DOCK4: variants seen among roughly 807,000 people sequenced by gnomAD.
DOCK4 encodes the protein dedicator of cytokinesis protein 4.
DOCK4 carries 97 observed loss-of-function variants against 268.1 expected under a neutral mutation model. The ratio of observed to expected loss-of-function variants is 0.36; its 90% CI spans 0.31 to 0.43. The LOEUF is 0.43. Ranked by LOEUF, DOCK4 falls within the 20% of genes least tolerant of loss-of-function variation. The pLI is 1.00. For missense variants in DOCK4, 2,145 were observed against 2,455.7 expected (o/e 0.87, Z 2.67); for synonymous variants, 954 against 887.2 (o/e 1.08, Z -1.34).
intron 1 of DOCK4, among the ~76,000 whole-genome samples, chr7:112,076,493 A>T (rs1586772510): frequency 6.6e-6 from 1 of 152,212 alleles, no homozygotes; most frequent in East Asian, 1.9e-4. Flanking sequence ...TCATGATCAA[A>T]GACATCTGGC....
intron 1 of DOCK4, among the ~76,000 whole-genome samples, chr7:112,166,483 T>C (rs1817626033): frequency 6.6e-6 from 1 of 152,210 alleles, no homozygotes; most frequent in Admixed American, 6.5e-5. Flanking sequence ...TTCTAAGTAA[T>C]CACTTTGGAA....
chr7:111,731,985 C>T (rs1226067417), intron 52 of DOCK4, among the ~76,000 whole-genome samples: 5 of 152,200 alleles, frequency 3.3e-5, no homozygotes, highest in Admixed American at 2.6e-4. Flanking sequence ...TGCAAGTTCT[C>T]ACTGCTACCA....
At chr7:111,856,207 G>A (rs1317918406) in intron 23 of DOCK4, among the ~76,000 whole-genome samples, 3 of 152,160 alleles carry the variant, frequency 2.0e-5, no homozygotes, top group Non-Finnish European at 2.9e-5. Flanking sequence ...CCAGTAATGT[G>A]CTTGTTATAC....
chr7:111,737,864 A>G (rs1292316687), intron 49 of DOCK4, among the ~76,000 whole-genome samples: 2 of 152,206 alleles, frequency 1.3e-5, no homozygotes, highest in African/African-American at 4.8e-5. Context: ...ACAAAGGGAA[A>G]TAGCTAGTCC....
chr7:111,837,938 T>C (rs971187090), intron 25 of DOCK4, among the ~76,000 whole-genome samples: 1 of 151,728 alleles, frequency 6.6e-6, no homozygotes, highest in African/African-American at 2.4e-5. Context: ...AATACAAAAT[T>C]AGCCGGGTGT....
At chr7:112,058,567 C>A (rs1806060633) in intron 1 of DOCK4, among the ~76,000 whole-genome samples, 1 of 152,144 alleles carries the variant, frequency 6.6e-6, no homozygotes, top group Admixed American at 6.5e-5. Flanking sequence ...TTAACCCAAT[C>A]ATGAACACAT....
intron 2 of DOCK4, among the ~76,000 whole-genome samples, chr7:112,002,905 G>T (rs536170320): frequency 6.6e-6 from 1 of 151,984 alleles, no homozygotes; most frequent in Non-Finnish European, 1.5e-5. Context: ...CAAAAAATTA[G>T]CTGAGTGTGG....
chr7:111,794,128 G>T (rs539408607), intron 30 of DOCK4, among the ~76,000 whole-genome samples: 1 of 152,280 alleles, frequency 6.6e-6, no homozygotes, highest in South Asian at 2.1e-4. Flanking sequence ...ATATGACAAA[G>T]ATTGGTTCAA....
At chr7:112,144,148 C>T (rs1174147865) in intron 1 of DOCK4, among the ~76,000 whole-genome samples, 1 of 152,054 alleles carries the variant, frequency 6.6e-6, no homozygotes, top group African/African-American at 2.4e-5. Context: ...TGGAAGAATC[C>T]CTTCATTTCA....
At position 111,868,147 on chromosome 7, in the gene DOCK4, TCTTGTG is replaced by T; in HGVS notation, c.2111_2116del (p.Ala704_Gln705del). 6.3e-7 allele frequency: 1 copy of T among 1,576,098 alleles called. No homozygotes were observed. Among genetic ancestry groups the T allele is most frequent in the Non-Finnish European group, 8.6e-7 (1 of 1,164,094 alleles). On this transcript the variant is annotated inframe_deletion and splice_region_variant, in exon 22 of 53. Transcript: ENST00000428084. ...TTGAACTATATACTTAAAAATGTAT[TCTTGTG>T]CCTTAAAAATACAATTTTTAAAAGT...
At chr7:112,039,799 T>C (rs1274116040) in intron 1 of DOCK4, among the ~76,000 whole-genome samples, 5 of 152,200 alleles carry the variant, frequency 3.3e-5, no homozygotes, top group Non-Finnish European at 5.9e-5. Flanking sequence ...CCCATGTTAA[T>C]AACTGAGTTT....
At chr7:112,132,971 T>A (rs1813940942) in intron 1 of DOCK4, among the ~76,000 whole-genome samples, 1 of 152,172 alleles carries the variant, frequency 6.6e-6, no homozygotes, top group Admixed American at 6.5e-5. Context: ...AATGGATGAA[T>A]CCAGAGACTG....
intron 11 of DOCK4, among the ~76,000 whole-genome samples, chr7:111,936,012 T>C (rs1324434870): frequency 6.6e-6 from 1 of 152,218 alleles, no homozygotes; most frequent in Non-Finnish European, 1.5e-5. Flanking sequence ...TTTACTCTTG[T>C]CTTAATTTCC....
chr7:112,151,741 T>A (rs1816099059), intron 1 of DOCK4, among the ~76,000 whole-genome samples: 1 of 149,380 alleles, frequency 6.7e-6, no homozygotes. Flanking sequence ...ATGAGGAAAG[T>A]TCAGCAAGAA....
rs541342120 is a variant in DOCK4 at position 111,728,747 on chromosome 7, G to A, written c.5482-27C>T. 36 of 1,577,360 alleles carry A rather than the reference G, an allele frequency of 2.3e-5. No homozygotes were observed. In the South Asian group the frequency reaches 3.3e-4, roughly 15 times the overall value. On this transcript the variant is annotated intron_variant, in intron 52 of 52. Coordinates refer to ENST00000428084, the MANE Select transcript of DOCK4 (RefSeq NM_001363540.2). ...TGCTCCGGGGAGAAGGAAACGAGAG[G>A]GAGACACAGCATTGAGTCGTGAACG... is the stretch of plus-strand genomic sequence containing the variant.
intron 51 of DOCK4, 148 bp from the exon 52 acceptor site, chr7:111,732,435 C>T (rs1298877476): frequency 2.8e-6 from 2 of 708,464 alleles, no homozygotes; most frequent in Non-Finnish European, 4.8e-6. Context: ...GGGGGAGAAG[C>T]TAAATGATGC....
At chr7:112,013,506 C>G (rs1342804560) in intron 1 of DOCK4, among the ~76,000 whole-genome samples, 3 of 152,182 alleles carry the variant, frequency 2.0e-5, no homozygotes, top group African/African-American at 7.2e-5. Flanking sequence ...GCATAGTTTT[C>G]CAATCTCACC....
chr7:111,822,756 A>T (rs1398553574), intron 26 of DOCK4, among the ~76,000 whole-genome samples: 1 of 152,234 alleles, frequency 6.6e-6, no homozygotes, highest in Non-Finnish European at 1.5e-5. Flanking sequence ...GTAACAGAAG[A>T]TTAACAGGGA....
intron 1 of DOCK4, among the ~76,000 whole-genome samples, chr7:112,192,246 G>A (rs6949234): frequency 0.057 from 8,624 of 151,580 alleles, 346 homozygotes; most frequent in Admixed American, 0.13. Flanking sequence ...ACTTAACATC[G>A]GTCAGGTGAC....
Sources: allele counts gnomAD v4.1 joint callset (sites outside exome capture counted in the v4.1 genomes callset), GRCh38; gene constraint gnomAD v4.1.1; transcripts MANE v1.5; gene names NCBI Gene and HGNC (gene_info 2026-07-23, HGNC 2026-07-21).